Variants in AMIGO1 observed in about 807,000 individuals in gnomAD.
AMIGO1 encodes the protein amphoterin-induced protein 1.
For missense variants in AMIGO1, 361 were observed against 612.3 expected (o/e 0.59, Z 4.33); for synonymous variants, 249 against 266.3 (o/e 0.93, Z 0.63).
rs760117977 is a variant in AMIGO1, at chr1:109,507,590, C to T, written c.1323G>A (p.Val441=). ...GDKDDGFDRR[V]AFLEPAGPGQ... is the part of the protein sequence containing the mutation. Reference sequence around the variant, plus strand: ...CAGGTCCAGCAGGTTCCAGGAAAGCCACCCGCCGGTCAAAACCATCATCTT... The same window carrying T: ...CAGGTCCAGCAGGTTCCAGGAAAGCTACCCGCCGGTCAAAACCATCATCTT... Residue 441 remains valine, a synonymous_variant, in exon 2 of 2, where the codon GTG becomes GTA. Coordinates refer to ENST00000369864, the MANE Select transcript of AMIGO1 (RefSeq NM_020703.4). The surrounding 1 kb of genome is among the most constrained non-coding windows in gnomAD (Gnocchi z 4.7). 2.5e-6 allele frequency: 4 copies of T among 1,613,858 alleles called. No individual in the cohort carries two copies. The African/African-American group carries it at 5.3e-5, about 22-fold the overall frequency.
chr1:109,508,286 C>A lies in AMIGO1; in HGVS notation c.627G>T (p.Pro209=). ...NLPLPDLQKL[P]AWIKNGLYLH... is the part of the protein sequence containing the mutation. ...GGTACAGCCCATTCTTGATCCAGGC[C>A]GGCAGCTTCTGCAGGTCAGGCAATG... Residue 209 remains proline, a synonymous_variant, in exon 2 of 2, where the codon CCG becomes CCT. Transcript: ENST00000369864. This position sits in a 1 kb window ranked among gnomAD's most constrained non-coding sequence, Gnocchi z 7.8. 1 of 1,614,030 alleles carries A rather than the reference C, an allele frequency of 6.2e-7. No individual in the cohort carries two copies. Among genetic ancestry groups the A allele is most frequent in the Admixed American group, 1.7e-5 (1 of 60,016 alleles).
chr1:109,507,929 G>C lies in AMIGO1; in HGVS notation c.984C>G (p.Phe328Leu). The C allele has an allele frequency of 1.2e-6, 2 of 1,614,150 alleles. No individual in the cohort carries two copies. Among genetic ancestry groups the C allele is most frequent in the South Asian group, 2.2e-5 (2 of 91,088 alleles). ...CACCGTCCTCGACCTGCACCTGCTGGAAAAGAAGACTGCCATCCTTAGACA... is the reference window on the plus strand; with the variant it reads ...CACCGTCCTCGACCTGCACCTGCTGCAAAAGAAGACTGCCATCCTTAGACA... ...VSVSKDGSLL[F>L]QQVQVEDGGV... Residue 328 changes from phenylalanine (F) to leucine (L), a missense_variant, in exon 2 of 2, where the codon TTC becomes TTG. Physicochemically the swap from Phe to Leu is conservative, Grantham distance 22. Transcript: ENST00000369864. The surrounding 1 kb of genome is among the most constrained non-coding windows in gnomAD (Gnocchi z 4.7).
rs1657968221 is a variant in AMIGO1 at position 109,504,464 on chromosome 1, T to A, written c.*2967A>T. 6.6e-6 allele frequency: 1 copy of A among 152,068 alleles called. No homozygotes were observed. Among genetic ancestry groups the A allele is most frequent in the African/African-American group, 2.4e-5 (1 of 41,380 alleles). The allele number at this position is 152,068 out of a possible 1,614,324, so 9.4% of individuals were successfully genotyped here. On this transcript the variant is annotated 3_prime_UTR_variant, in exon 2 of 2. Coordinates refer to ENST00000369864, the MANE Select transcript of AMIGO1 (RefSeq NM_020703.4). ...ATAATAATAATAATAATTACACAGA[T>A]TGTAGAGCCCTGTCATCCTCTGTCT...
chr1:109,506,195 C>T lies in AMIGO1; in HGVS notation c.*1236G>A, dbSNP rs1420665490. The T allele has an allele frequency of 6.6e-6, 1 of 152,224 alleles. No individual in the cohort carries two copies. The highest frequency in any genetic ancestry group is 1.5e-5 in the Non-Finnish European group (1 of 68,048). 9.4% of individuals were successfully genotyped at this position (152,224 alleles called of 1,614,324 possible). On this transcript the variant is annotated 3_prime_UTR_variant, in exon 2 of 2. Coordinates refer to ENST00000369864, the MANE Select transcript of AMIGO1 (RefSeq NM_020703.4). ...TAGAGACCACCCAATTCCAACCCTT[C>T]TGATGTCAAAACCCCATGCTTTGAC...
In AMIGO1 at chr1:109,507,259, T is replaced by C. The variant is rs937737960; in HGVS notation, c.*172A>G. The C allele has an allele frequency of 2.1e-5, 18 of 838,770 alleles. No individual in the cohort carries two copies. Among genetic ancestry groups the C allele is most frequent in the Non-Finnish European group, 5.4e-6 (3 of 554,824 alleles). The allele number at this position is 838,770 out of a possible 1,614,324, so 52.0% of individuals were successfully genotyped here. ...TTAATATACCCCCATTTGAAAATCG[T>C]GGCAGCCACGCCCTGTTTGGGGTCT... is the stretch of plus-strand genomic sequence containing the variant. On this transcript the variant is annotated 3_prime_UTR_variant, in exon 2 of 2. Coordinates refer to ENST00000369864, the MANE Select transcript of AMIGO1 (RefSeq NM_020703.4). This position sits in a 1 kb window ranked among gnomAD's most constrained non-coding sequence, Gnocchi z 4.7.
rs1280222243 is a variant in AMIGO1, at chr1:109,507,686, A to G, written c.1227T>C (p.His409=). ...TGGAAGAGCTGAGGCTGTCTCCTTG[A>G]TGGCTGGAAGGCTTCTCTACACCCC... ...WCRGVEKPSS[H]QGDSLSSSML... The change falls in exon 2 of 2, where the codon CAT becomes CAC. Residue 409 remains histidine, a synonymous_variant. Transcript: ENST00000369864. This position sits in a 1 kb window ranked among gnomAD's most constrained non-coding sequence, Gnocchi z 4.7. The G allele has an allele frequency of 1.2e-6, 2 of 1,614,118 alleles. No homozygotes were observed. Among genetic ancestry groups the G allele is most frequent in the South Asian group, 2.2e-5 (2 of 91,086 alleles).
rs1473191722 is a variant in AMIGO1 at position 109,505,994 on chromosome 1, T to C, written c.*1437A>G. The C allele has an allele frequency of 6.6e-6, 1 of 152,258 alleles. No homozygotes were observed. The highest frequency in any genetic ancestry group is 1.5e-5 in the Non-Finnish European group (1 of 68,064). 9.4% of individuals were successfully genotyped at this position (152,258 alleles called of 1,614,324 possible). A position where few individuals can be genotyped will look rare whatever the true frequency, so the allele number is the denominator to read the frequency against. On this transcript the variant is annotated 3_prime_UTR_variant, in exon 2 of 2. Coordinates refer to ENST00000369864, the MANE Select transcript of AMIGO1 (RefSeq NM_020703.4). ...ATGGAATGGAATGTTGAGCTCATTCTTCTTAAGTTCCTCTGGCCTCACAAC... is the reference window on the plus strand; with the variant it reads ...ATGGAATGGAATGTTGAGCTCATTCCTCTTAAGTTCCTCTGGCCTCACAAC...
chr1:109,505,830 AT>A lies in AMIGO1; in HGVS notation c.*1600del, dbSNP rs1658009042. The A allele has an allele frequency of 1.3e-5, 2 of 152,260 alleles. No homozygotes were observed. The highest frequency in any genetic ancestry group is 4.8e-5 in the African/African-American group (2 of 41,460). 9.4% of individuals were successfully genotyped at this position (152,260 alleles called of 1,614,324 possible). A position where few individuals can be genotyped will look rare whatever the true frequency, so the allele number is the denominator to read the frequency against. On this transcript the variant is annotated 3_prime_UTR_variant, in exon 2 of 2. Coordinates refer to ENST00000369864, the MANE Select transcript of AMIGO1 (RefSeq NM_020703.4). Reference sequence around the variant, plus strand: ...AGAAGAGACCCTAAGAAAAACCAACATCAGAGAACATTTTCACCTTCACCCT... The same window carrying A: ...AGAAGAGACCCTAAGAAAAACCAACACAGAGAACATTTTCACCTTCACCCT...
At position 109,508,046 on chromosome 1, in the gene AMIGO1, C is replaced by G; in HGVS notation, c.867G>C (p.Lys289Asn). 6.2e-7 allele frequency: 1 copy of G among 1,614,186 alleles called. No homozygotes were observed. Among genetic ancestry groups the G allele is most frequent in the Non-Finnish European group, 8.5e-7 (1 of 1,180,038 alleles). ...EAHLGDTLII[K>N]CDTKQQGMTK... ...TCATCCCTTGCTGCTTGGTGTCACA[C>G]TTGATGATCAAGGTGTCACCCAGGT... The change falls in exon 2 of 2, where the codon AAG (lysine) becomes AAC (asparagine). Residue 289 changes from lysine (K) to asparagine (N), a missense_variant. Transcript: ENST00000369864. This position sits in a 1 kb window ranked among gnomAD's most constrained non-coding sequence, Gnocchi z 7.8.
rs750320224 is a variant in AMIGO1, at chr1:109,505,798, G to A, written c.*1633C>T. On this transcript the variant is annotated 3_prime_UTR_variant, in exon 2 of 2. Coordinates refer to ENST00000369864, the MANE Select transcript of AMIGO1 (RefSeq NM_020703.4). ...GGAGAACTTCCAATGGACTAGAAAC[G>A]TGGGAGAGAAGAGACCCTAAGAAAA... is the stretch of plus-strand genomic sequence containing the variant. 6 of 152,208 alleles carry A rather than the reference G, an allele frequency of 3.9e-5. No individual in the cohort carries two copies. The highest frequency in any genetic ancestry group is 1.4e-4 in the African/African-American group (6 of 41,448). The allele number at this position is 152,208 out of a possible 1,614,324, so 9.4% of individuals were successfully genotyped here. A position where few individuals can be genotyped will look rare whatever the true frequency, so the allele number is the denominator to read the frequency against.
rs1557887482 is a variant in AMIGO1 at position 109,507,314 on chromosome 1, C to T, written c.*117G>A. ...CTCTGTTGTACCTGGGACCAATTCCCTTGAGGTCAGGAGGAATCCATTCCC... is the reference window on the plus strand; with the variant it reads ...CTCTGTTGTACCTGGGACCAATTCCTTTGAGGTCAGGAGGAATCCATTCCC... On this transcript the variant is annotated 3_prime_UTR_variant, in exon 2 of 2. Transcript: ENST00000369864. The surrounding 1 kb of genome is among the most constrained non-coding windows in gnomAD (Gnocchi z 4.7). 7.1e-7 allele frequency: 1 copy of T among 1,418,370 alleles called. No homozygotes were observed. The highest frequency in any genetic ancestry group is 9.5e-7 in the Non-Finnish European group (1 of 1,051,438). 87.9% of individuals were successfully genotyped at this position (1,418,370 alleles called of 1,614,324 possible). A position where few individuals can be genotyped will look rare whatever the true frequency, so the allele number is the denominator to read the frequency against.
rs751993737 is a variant in AMIGO1, at chr1:109,507,597, C to T, written c.1316G>A (p.Arg439Gln). The stretch of plus-strand genomic sequence containing the variant: ...AGCAGGTTCCAGGAAAGCCACCCGC[C>T]GGTCAAAACCATCATCTTTGTCCCC... Reference protein sequence around the residue: ...AGGDKDDGFDRRVAFLEPAGP... With the variant: ...AGGDKDDGFDQRVAFLEPAGP... Residue 439 changes from arginine (R) to glutamine (Q), a missense_variant, in exon 2 of 2, where the codon CGG becomes CAG. Arg to Gln is a conservative substitution (Grantham distance 43). Coordinates refer to ENST00000369864, the MANE Select transcript of AMIGO1 (RefSeq NM_020703.4). This position sits in a 1 kb window ranked among gnomAD's most constrained non-coding sequence, Gnocchi z 4.7. 1.5e-5 allele frequency: 24 copies of T among 1,613,992 alleles called. No individual in the cohort carries two copies. Among genetic ancestry groups the T allele is most frequent in the South Asian group, 5.5e-5 (5 of 91,084 alleles).
At position 109,505,503 on chromosome 1, in the gene AMIGO1, G is replaced by C. The variant is rs1231579468; in HGVS notation, c.*1928C>G. 6.6e-6 allele frequency: 1 copy of C among 152,192 alleles called. No individual in the cohort carries two copies. Among genetic ancestry groups the C allele is most frequent in the African/African-American group, 2.4e-5 (1 of 41,444 alleles). 9.4% of individuals were successfully genotyped at this position (152,192 alleles called of 1,614,324 possible). ...GATTCACTGTCCTGGTGGAAGTCAA[G>C]GTGCTGGTGTGCATGCATACCTATA... On this transcript the variant is annotated 3_prime_UTR_variant, in exon 2 of 2. Transcript: ENST00000369864.
Position 109,508,215 on chromosome 1 carries a change from A to T in AMIGO1, c.698T>A (p.Phe233Tyr). The stretch of plus-strand genomic sequence containing the variant: ...CAGCTGCCGATACTGCCAGTGTGAA[A>T]ACAGCTGGTAGAGCTCACAGTCGCA... ...LNCDCELYQLFSHWQYRQLSS... is the reference protein window; with the variant it reads ...LNCDCELYQLYSHWQYRQLSS... Residue 233 changes from phenylalanine to tyrosine, a missense_variant, in exon 2 of 2, where the codon TTT becomes TAT. Transcript: ENST00000369864. This position sits in a 1 kb window ranked among gnomAD's most constrained non-coding sequence, Gnocchi z 7.8. 6.2e-7 allele frequency: 1 copy of T among 1,614,156 alleles called. No homozygotes were observed. Among genetic ancestry groups the T allele is most frequent in the South Asian group, 1.1e-5 (1 of 91,090 alleles).
chr1:109,509,029 A>C, intron 1 of AMIGO1, 30 bp from the exon 2 acceptor site: 1 of 1,211,050 alleles, frequency 8.3e-7, no homozygotes, highest in Non-Finnish European at 1.1e-6. Flanking sequence ...GTTTGTGGTC[A>C]CCAAGGACTC....
Position 109,507,412 on chromosome 1 carries a change from C to G in AMIGO1, c.*19G>C. The G allele has an allele frequency of 6.4e-7, 1 of 1,570,990 alleles. No homozygotes were observed. The highest frequency in any genetic ancestry group is 8.7e-7 in the Non-Finnish European group (1 of 1,155,572). ...CATTACCTCTCCTGGGGCAGAATCTCCCCACCAACCCATCCTGCTCACACC... is the reference window on the plus strand; with the variant it reads ...CATTACCTCTCCTGGGGCAGAATCTGCCCACCAACCCATCCTGCTCACACC... On this transcript the variant is annotated 3_prime_UTR_variant, in exon 2 of 2. Coordinates refer to ENST00000369864, the MANE Select transcript of AMIGO1 (RefSeq NM_020703.4). The surrounding 1 kb of genome is among the most constrained non-coding windows in gnomAD (Gnocchi z 4.7).
rs374249705 is a variant in AMIGO1 at position 109,507,961 on chromosome 1, C to T, written c.952G>A (p.Val318Met). ...AGACTGCCATCCTTAGACACACTCACTGTGCCATTGGTCACCTCATCTAGC... is the reference window on the plus strand; with the variant it reads ...AGACTGCCATCCTTAGACACACTCATTGTGCCATTGGTCACCTCATCTAGC... Reference protein sequence around the residue: ...RVLDEVTNGTVSVSKDGSLLF... With the variant: ...RVLDEVTNGTMSVSKDGSLLF... The change falls in exon 2 of 2, where the codon GTG becomes ATG. Residue 318 changes from valine (V) to methionine (M), a missense_variant. Val to Met is a conservative substitution (Grantham distance 21). Transcript: ENST00000369864. The surrounding 1 kb of genome is among the most constrained non-coding windows in gnomAD (Gnocchi z 4.7). The T allele has an allele frequency of 1.2e-6, 2 of 1,614,082 alleles. No homozygotes were observed. Among genetic ancestry groups the T allele is most frequent in the South Asian group, 1.1e-5 (1 of 91,090 alleles).
chr1:109,509,266 CG>C (rs745433372), intron 1 of AMIGO1, among the ~76,000 whole-genome samples, 153 bp downstream of exon 1: 1 of 152,062 alleles, frequency 6.6e-6, no homozygotes, highest in Non-Finnish European at 1.5e-5. Context: ...AGGGATGGCA[CG>C]GGCAGGGTTT....
Position 109,508,647 on chromosome 1 carries a change from T to C in AMIGO1, c.266A>G (p.His89Arg). ...GTGGTTGTGGCTCAGCAGCAGGGAG[T>C]GCAGTTGGGTCAGGCGCGTGGGGGT... is the stretch of plus-strand genomic sequence containing the variant. ...EWTPTRLTQLHSLLLSHNHLN... is the reference protein window; with the variant it reads ...EWTPTRLTQLRSLLLSHNHLN... Residue 89 changes from histidine (H) to arginine (R), a missense_variant, in exon 2 of 2, where the codon CAC becomes CGC. Coordinates refer to ENST00000369864, the MANE Select transcript of AMIGO1 (RefSeq NM_020703.4). The surrounding 1 kb of genome is among the most constrained non-coding windows in gnomAD (Gnocchi z 7.8). The C allele has an allele frequency of 6.2e-7, 1 of 1,613,648 alleles. No individual in the cohort carries two copies. The highest frequency in any genetic ancestry group is 8.5e-7 in the Non-Finnish European group (1 of 1,179,958).
Sources: gnomAD v4.1 joint callset for allele counts (sites outside exome capture counted in the v4.1 genomes callset) on GRCh38, gnomAD v4.1.1 for gene constraint, Gnocchi (gnomAD v3.1) non-coding constraint, MANE v1.5 for transcripts, NCBI Gene and HGNC (gene_info 2026-07-23, HGNC 2026-07-21) for gene names.